Variants in SEC22B observed in about 807,000 individuals in gnomAD.
SEC22B encodes the protein SEC22 homolog B, vesicle trafficking protein, also known as vesicle-trafficking protein SEC22b.
SEC22B carries 10 observed loss-of-function variants against 31.4 expected under a neutral mutation model. The ratio of observed to expected loss-of-function variants is 0.32; its 90% CI spans 0.20 to 0.54. The LOEUF (loss-of-function observed/expected upper bound fraction) is 0.54, where lower values mean the gene tolerates loss of function less well. Among genes scored for constraint, SEC22B ranks in the 20% least tolerant of loss-of-function variants. The pLI, the probability that SEC22B is intolerant of heterozygous loss-of-function variation, is 0.94. For synonymous variants in SEC22B, 60 were observed against 95.9 expected (o/e 0.63, Z 2.19); for missense variants, 130 against 263.4 (o/e 0.49, Z 3.50).
Position 120,154,722 on chromosome 1 carries a change from CTA to C in SEC22B, c.*2314_*2315del. 7.5e-6 allele frequency: 1 copy of C among 132,590 alleles called. No individual in the cohort carries two copies. The highest frequency in any genetic ancestry group is 2.7e-4 in the South Asian group (1 of 3,638). The allele number at this position is 132,590 out of a possible 1,614,324, so 8.2% of individuals were successfully genotyped here. On this transcript the variant is annotated 3_prime_UTR_variant, in exon 5 of 5. Transcript: ENST00000578049. ...TCATTCCTCAAGTCTCCTCTGTTGT[CTA>C]TGCTTACCCTATGGGCTAAGCTGAA...
chr1:120,168,447 C>G (rs1358854391), intron 2 of SEC22B, among the ~76,000 whole-genome samples: 3 of 152,090 alleles, frequency 2.0e-5, no homozygotes, highest in Non-Finnish European at 2.9e-5. Context: ...TCACAATCCT[C>G]TCAAACCTCC....
At chr1:120,164,921 G>A (rs1200194849) in intron 2 of SEC22B, among the ~76,000 whole-genome samples, 3 of 152,174 alleles carry the variant, frequency 2.0e-5, no homozygotes, top group Non-Finnish European at 2.9e-5. Context: ...ATCAGCATCT[G>A]TTGTTTTTTG....
rs1406250265 is a variant in SEC22B at position 120,152,909 on chromosome 1, CAAAG to C, written c.*4125_*4128del. 1.4e-5 allele frequency: 2 copies of C among 147,910 alleles called. No individual in the cohort carries two copies. Among genetic ancestry groups the C allele is most frequent in the Non-Finnish European group, 3.0e-5 (2 of 67,694 alleles). The allele number at this position is 147,910 out of a possible 1,614,324, so 9.2% of individuals were successfully genotyped here. On this transcript the variant is annotated 3_prime_UTR_variant, in exon 5 of 5. Coordinates refer to ENST00000578049, the MANE Select transcript of SEC22B (RefSeq NM_004892.6). ...TGCTAGCTATGTGACCTTGGGCAAG[CAAAG>C]AAACTCCTCATAACCATTGTAATAA... is the stretch of plus-strand genomic sequence containing the variant.
Position 120,176,425 on chromosome 1 carries a change from G to A in SEC22B, c.-44C>T. 1 of 1,569,906 alleles carries A rather than the reference G, an allele frequency of 6.4e-7. No homozygotes were observed. The highest frequency in any genetic ancestry group is 8.8e-7 in the Non-Finnish European group (1 of 1,142,682). On this transcript the variant is annotated 5_prime_UTR_variant, in exon 1 of 5. Transcript: ENST00000578049. ...TCCAACACTGGCCCGGAAGGCCCTT[G>A]GCGCCGTCCTCACTTCCTCCGCCGC...
intron 3 of SEC22B, among the ~76,000 whole-genome samples, chr1:120,162,673 T>C: frequency 6.6e-6 from 1 of 152,250 alleles, no homozygotes; most frequent in Non-Finnish European, 1.5e-5. Flanking sequence ...CAGACACCTA[T>C]GCTCACTATT....
At chr1:120,171,890 T>C (rs1460218155) in intron 1 of SEC22B, among the ~76,000 whole-genome samples, 1 of 151,478 alleles carries the variant, frequency 6.6e-6, no homozygotes, top group African/African-American at 2.4e-5. Context: ...CATTCATTCA[T>C]TACATATTTG....
intron 3 of SEC22B, among the ~76,000 whole-genome samples, chr1:120,161,073 G>C (rs1198304560): frequency 6.6e-6 from 1 of 152,242 alleles, no homozygotes; most frequent in Admixed American, 6.5e-5. Context: ...CTTTGAATTA[G>C]AAGTATTTGC....
chr1:120,165,408 G>T (rs1223259614), intron 2 of SEC22B, among the ~76,000 whole-genome samples: 64 of 152,258 alleles, frequency 4.2e-4, no homozygotes, highest in Non-Finnish European at 2.9e-4. Context: ...GGAAGGGGCT[G>T]TATGATTACA....
chr1:120,170,917 T>C (rs1191868614), intron 1 of SEC22B, among the ~76,000 whole-genome samples: 2 of 131,082 alleles, frequency 1.5e-5, no homozygotes, highest in Admixed American at 1.4e-4. Flanking sequence ...CCCACAAGAG[T>C]AGATAAAAAG....
intron 1 of SEC22B, among the ~76,000 whole-genome samples, chr1:120,175,633 A>T (rs1199262454): frequency 1.3e-5 from 2 of 152,210 alleles, no homozygotes; most frequent in African/African-American, 4.8e-5. Context: ...TATACTTTTG[A>T]GCACCTACTA....
intron 1 of SEC22B, among the ~76,000 whole-genome samples, chr1:120,174,204 C>T (rs1247852563): frequency 2.6e-5 from 4 of 152,206 alleles, no homozygotes; most frequent in Non-Finnish European, 5.9e-5. Flanking sequence ...GCTTCCTTAT[C>T]TATTATTGGA....
chr1:120,152,223 A>C lies in SEC22B; in HGVS notation c.*4815T>G. 6.6e-6 allele frequency: 1 copy of C among 150,690 alleles called. No homozygotes were observed. Among genetic ancestry groups the C allele is most frequent in the African/African-American group, 2.5e-5 (1 of 40,548 alleles). 9.3% of individuals were successfully genotyped at this position (150,690 alleles called of 1,614,324 possible). The stretch of plus-strand genomic sequence containing the variant: ...GACATTTTTTACAGAGATTTCTTAA[A>C]ACAGGGGCATATCTTCTTTGGCTAA... On this transcript the variant is annotated 3_prime_UTR_variant, in exon 5 of 5. Coordinates refer to ENST00000578049, the MANE Select transcript of SEC22B (RefSeq NM_004892.6).
chr1:120,162,870 G>A (rs1390557531), intron 3 of SEC22B, among the ~76,000 whole-genome samples: 1 of 151,910 alleles, frequency 6.6e-6, no homozygotes, highest in Non-Finnish European at 1.5e-5. Context: ...CTGTGGACTG[G>A]GGTAAAGAAG....
rs1657634825 is a variant in SEC22B, at chr1:120,156,790, T to G, written c.*248A>C. ...GGAAAAAACGAAATTAACAATCTACTATTCCCTAATATATATGGCTTGGCA... is the reference window on the plus strand; with the variant it reads ...GGAAAAAACGAAATTAACAATCTACGATTCCCTAATATATATGGCTTGGCA... On this transcript the variant is annotated 3_prime_UTR_variant, in exon 5 of 5. Transcript: ENST00000578049. 1 of 319,684 alleles carries G rather than the reference T, an allele frequency of 3.1e-6. No individual in the cohort carries two copies. The highest frequency in any genetic ancestry group is 2.1e-5 in the African/African-American group (1 of 46,884). The allele number at this position is 319,684 out of a possible 1,614,324, so 19.8% of individuals were successfully genotyped here.
intron 3 of SEC22B, among the ~76,000 whole-genome samples, chr1:120,160,972 T>C (rs1657707085): frequency 6.6e-6 from 1 of 152,194 alleles, no homozygotes; most frequent in Non-Finnish European, 1.5e-5. Context: ...AAACTCTTGG[T>C]TGAATATCAA....
intron 2 of SEC22B, among the ~76,000 whole-genome samples, chr1:120,168,049 AT>A (rs1450762042): frequency 0.19 from 27,941 of 148,308 alleles, 824 homozygotes; most frequent in African/African-American, 0.4. Context: ...TAGGTAGAGA[AT>A]TTTTGTTTTG....
At chr1:120,168,299 C>T (rs1657844103) in intron 2 of SEC22B, among the ~76,000 whole-genome samples, 1 of 150,978 alleles carries the variant, frequency 6.6e-6, no homozygotes, top group Admixed American at 6.6e-5. Context: ...AGTCCTCTAT[C>T]AGCTGTATCA....
chr1:120,173,265 C>G (rs1657917906), intron 1 of SEC22B, among the ~76,000 whole-genome samples: 1 of 50,738 alleles, frequency 2.0e-5, no homozygotes, highest in Non-Finnish European at 3.6e-5. Context: ...GTCTGGACTG[C>G]CCTTCACGAT....
At chr1:120,170,477 C>G (rs1657878694) in intron 1 of SEC22B, among the ~76,000 whole-genome samples, 2 of 148,614 alleles carry the variant, frequency 1.3e-5, no homozygotes, top group Admixed American at 1.3e-4. Context: ...AGATTCTAAG[C>G]TATATGTAAA....
Sources: allele counts gnomAD v4.1 joint callset (sites outside exome capture counted in the v4.1 genomes callset), GRCh38; gene constraint gnomAD v4.1.1; transcripts MANE v1.5; gene names NCBI Gene and HGNC (gene_info 2026-07-23, HGNC 2026-07-21).